PTPRD: variants seen among roughly 807,000 people sequenced by gnomAD.
PTPRD encodes the protein protein tyrosine phosphatase receptor type D, also known as receptor-type tyrosine-protein phosphatase delta.
In PTPRD, 34 loss-of-function variants were observed where a neutral mutation model predicts 214.5. The ratio of observed to expected loss-of-function variants is 0.16; its 90% confidence interval spans 0.12 to 0.21. The LOEUF (loss-of-function observed/expected upper bound fraction) is 0.21. Ranked by LOEUF, PTPRD falls within the 10% of genes least tolerant of loss-of-function variation. The pLI, the probability that PTPRD is intolerant of heterozygous loss-of-function variation, is 1.00. For synonymous variants in PTPRD, 1,128 were observed against 845.7 expected (o/e 1.33, Z -5.79); for missense variants, 2,545 against 2,398.7 (o/e 1.06, Z -1.27).
chr9:9,347,013 G>C (rs145430878), intron 9 of PTPRD, among the ~76,000 whole-genome samples: 37 of 152,022 alleles, frequency 2.4e-4, no homozygotes, highest in Middle Eastern at 6.8e-3. Flanking sequence ...TCTTAACACA[G>C]CCCCTGGGGC....
intron 3 of PTPRD, among the ~76,000 whole-genome samples, chr9:10,042,363 C>T (rs1175788594): frequency 5.3e-5 from 8 of 151,890 alleles, no homozygotes; most frequent in Admixed American, 5.3e-4. Context: ...TAAATGCAAT[C>T]TATTAAAGCA....
At chr9:10,413,719 C>T (rs1281250487) in intron 2 of PTPRD, among the ~76,000 whole-genome samples, 2 of 151,862 alleles carry the variant, frequency 1.3e-5, no homozygotes, top group East Asian at 3.9e-4. Context: ...CACTACGTGG[C>T]TACAGTATAC....
intron 2 of PTPRD, among the ~76,000 whole-genome samples, chr9:10,482,622 G>A (rs916557029): frequency 2.6e-5 from 4 of 151,960 alleles, no homozygotes; most frequent in Non-Finnish European, 4.4e-5. Context: ...AAAGTTTCAG[G>A]TTGCAAAATC....
At chr9:8,402,539 T>G (rs546762404) in intron 36 of PTPRD, among the ~76,000 whole-genome samples, 5 of 152,182 alleles carry the variant, frequency 3.3e-5, no homozygotes, top group Non-Finnish European at 7.4e-5. Context: ...GGCGAGACCA[T>G]GCCAAATAGA....
intron 21 of PTPRD, among the ~76,000 whole-genome samples, chr9:8,516,495 T>C (rs1170313517): frequency 1.3e-5 from 2 of 152,066 alleles, no homozygotes; most frequent in African/African-American, 2.4e-5. Context: ...CAAGGACAAA[T>C]AGTTAAACAT....
intron 7 of PTPRD, among the ~76,000 whole-genome samples, chr9:9,696,019 C>T (rs943410985): frequency 6.6e-6 from 1 of 152,000 alleles, no homozygotes; most frequent in Non-Finnish European, 1.5e-5. Flanking sequence ...GTCATTAGGT[C>T]CTGGGCTCTT....
At chr9:10,473,499 T>G (rs1421538008) in intron 2 of PTPRD, among the ~76,000 whole-genome samples, 1 of 152,082 alleles carries the variant, frequency 6.6e-6, no homozygotes, top group African/African-American at 2.4e-5. Context: ...TGAACAAGAC[T>G]GAGCTTGCAC....
intron 4 of PTPRD, among the ~76,000 whole-genome samples, chr9:9,981,389 C>G (rs774060167): frequency 2.1e-5 from 3 of 144,594 alleles, no homozygotes; most frequent in African/African-American, 5.0e-5. Context: ...GAGTCTCACT[C>G]TGTCGCCCAG....
At chr9:10,056,091 G>C (rs2097640594) in intron 3 of PTPRD, among the ~76,000 whole-genome samples, 1 of 151,788 alleles carries the variant, frequency 6.6e-6, no homozygotes, top group Non-Finnish European at 1.5e-5. Context: ...GGGAGGCCGA[G>C]GTGAGCGGAC....
chr9:9,080,996 C>T (rs754390230), intron 10 of PTPRD, among the ~76,000 whole-genome samples: 2 of 152,042 alleles, frequency 1.3e-5, no homozygotes, highest in Non-Finnish European at 2.9e-5. Flanking sequence ...CTATCTCCTT[C>T]AGTTCTGCTT....
At chr9:8,988,847 C>A (rs2099355495) in intron 11 of PTPRD, among the ~76,000 whole-genome samples, 1 of 152,054 alleles carries the variant, frequency 6.6e-6, no homozygotes. Context: ...TTCTTCTACA[C>A]AGAATTGTTC....
chr9:10,460,262 C>A lies in PTPRD; in HGVS notation c.-599-119245G>T, dbSNP rs1420265349. ...CAAATAAGTGAAAAGCTATTCCATG[C>A]TTATGGATCAGAAACACTAACTGTT... On this transcript the variant is annotated intron_variant, in intron 2 of 45. Transcript: ENST00000381196. 2.3e-4 allele frequency among the ~76,000 whole-genome samples: 35 copies of A among 151,830 alleles called. 1 individual carries two copies. The highest frequency in any genetic ancestry group is 2.2e-3 in the Admixed American group (34 of 15,226).
Position 9,083,099 on chromosome 9 carries a change from T to C in PTPRD, c.-142-64364A>G, listed in dbSNP as rs370897813. On this transcript the variant is annotated intron_variant, in intron 10 of 45. Coordinates refer to ENST00000381196, the MANE Select transcript of PTPRD (RefSeq NM_002839.4). ...AAAAGAACCTGTATAGTCAAGACAA[T>C]CCTAAGCAAAAAGAACAAAGCCGGA... 1.2e-4 allele frequency among the ~76,000 whole-genome samples: 18 copies of C among 152,178 alleles called. No homozygotes were observed. The East Asian group carries it at 3.1e-3, about 26-fold the overall frequency.
At chr9:10,002,331 A>ATAT (rs2096342863) in intron 4 of PTPRD, among the ~76,000 whole-genome samples, 6 of 144,422 alleles carry the variant, frequency 4.2e-5, no homozygotes, top group South Asian at 2.2e-4. Flanking sequence ...TTTAAATATA[A>ATAT]ATATATATAT....
chr9:10,468,908 A>C (rs751847307), intron 2 of PTPRD, among the ~76,000 whole-genome samples: 1 of 152,194 alleles, frequency 6.6e-6, no homozygotes, highest in Non-Finnish European at 1.5e-5. Flanking sequence ...CCACAGATTC[A>C]GAAAGCCCAT....
In PTPRD at chr9:8,618,916, T is replaced by A. The variant is rs1268304535; in HGVS notation, c.352+14401A>T. 4.0e-3 allele frequency among the ~76,000 whole-genome samples: 3 copies of A among 750 alleles called. No homozygotes were observed. The Non-Finnish European group carries it at 0.043, about 11-fold the overall frequency. The allele number at this position is 750 out of a possible 152,430, so 0.5% of individuals were successfully genotyped here. ...TGTGTGTTTGTCTGTGTTTTTTTGT[T>A]TTTTTTTTTTTTTTTTTTTTTTTAC... On this transcript the variant is annotated intron_variant, in intron 14 of 45. Transcript: ENST00000381196.
chr9:10,202,671 G>GATATATATAT (rs77962535), intron 3 of PTPRD, among the ~76,000 whole-genome samples: 8,822 of 112,666 alleles, frequency 0.078, 526 homozygotes, highest in East Asian at 0.11. Flanking sequence ...AAATTATATG[G>GATATATATAT]ATATATATAT....
At chr9:9,487,883 G>A (rs1415861496) in intron 8 of PTPRD, among the ~76,000 whole-genome samples, 1 of 152,138 alleles carries the variant, frequency 6.6e-6, no homozygotes, top group Non-Finnish European at 1.5e-5. Context: ...GAATCTGACA[G>A]AAGTGATGTG....
chr9:9,853,367 T>C (rs1024213194), intron 5 of PTPRD, among the ~76,000 whole-genome samples: 1 of 152,154 alleles, frequency 6.6e-6, no homozygotes, highest in African/African-American at 2.4e-5. Context: ...TTCTCAGCCA[T>C]TTACAAATGT....
Sources: allele counts gnomAD v4.1 joint callset (sites outside exome capture counted in the v4.1 genomes callset), GRCh38; gene constraint gnomAD v4.1.1; transcripts MANE v1.5; gene names NCBI Gene and HGNC (gene_info 2026-07-23, HGNC 2026-07-21).